Variants in BRF1 observed in about 807,000 individuals in gnomAD.
The protein encoded by BRF1 is transcription factor IIIB 90 kDa subunit.
A neutral mutation model predicts 81.7 loss-of-function variants in BRF1; 59 were observed. The ratio of observed to expected loss-of-function variants is 0.72; its 90% CI spans 0.59 to 0.90. The LOEUF is 0.90. Ranked by LOEUF, BRF1 falls within the 40% of genes least tolerant of loss-of-function variation. The probability of loss-of-function intolerance (pLI) is 0.00; values close to 1 mark genes in which losing one functional copy is unlikely to be tolerated. For synonymous variants in BRF1, 491 were observed against 395.6 expected (o/e 1.24, Z -2.86); for missense variants, 1,050 against 936.3 (o/e 1.12, Z -1.58).
At chr14:105,313,926 C>T (rs2058429962) in intron 1 of BRF1, among the ~76,000 whole-genome samples, 2 of 152,256 alleles carry the variant, frequency 1.3e-5, no homozygotes, top group South Asian at 4.1e-4. Context: ...TGCTTGGGTC[C>T]CCAAGTTCAC....
At position 105,210,869 on chromosome 14, in the gene BRF1, C is replaced by G. The variant is rs1297654545; in HGVS notation, c.1996+253G>C. Among the ~76,000 whole-genome samples the G allele has an allele frequency of 6.6e-6, 1 of 152,116 alleles. No individual in the cohort carries two copies. Among genetic ancestry groups the G allele is most frequent in the Non-Finnish European group, 1.5e-5 (1 of 68,024 alleles). On this transcript the variant is annotated intron_variant, in intron 17 of 17. Coordinates refer to ENST00000547530, the MANE Select transcript of BRF1 (RefSeq NM_001519.4). This position sits in a 1 kb window ranked among gnomAD's most constrained non-coding sequence, Gnocchi z 4.7. ...TGCAGGTCCGTGGTGGTGTGCAGAT[C>G]CGGGAACCTCGTGCTGCTGGCTGGG...
At chr14:105,218,227 C>T (rs1891652332) in intron 14 of BRF1, among the ~76,000 whole-genome samples, 1 of 152,216 alleles carries the variant, frequency 6.6e-6, no homozygotes, top group Admixed American at 6.5e-5. Context: ...ACGTCAAAGG[C>T]CCCAGCTGCC....
At chr14:105,247,570 C>G (rs1218660380) in intron 5 of BRF1, 23 of 985,278 alleles carry the variant, frequency 2.3e-5, no homozygotes, top group Non-Finnish European at 2.7e-5. Flanking sequence ...GGAACATTCA[C>G]TACAACTGTA....
intron 3 of BRF1, among the ~76,000 whole-genome samples, chr14:105,260,588 C>T (rs1339957986): frequency 6.6e-6 from 1 of 152,078 alleles, no homozygotes; most frequent in African/African-American, 2.4e-5. Context: ...GTTGGCCGAG[C>T]TGGTCTCAAA....
At position 105,300,789 on chromosome 14, in the gene BRF1, G is replaced by T; in HGVS notation, c.-160C>A. 1 of 412,850 alleles carries T rather than the reference G, an allele frequency of 2.4e-6. No homozygotes were observed. The highest frequency in any genetic ancestry group is 3.5e-6 in the Non-Finnish European group (1 of 284,858). The allele number at this position is 412,850 out of a possible 1,614,324, so 25.6% of individuals were successfully genotyped here. On this transcript the variant is annotated 5_prime_UTR_variant, in exon 1 of 18. Transcript: ENST00000547530. ...ATTCGCAGCCGCAGATTCGCCGCGC[G>T]CGCCCGGGCCGCGCCGCCCGCAACG...
intron 12 of BRF1, chr14:105,219,646 A>G: frequency 2.5e-6 from 1 of 395,794 alleles, no homozygotes; most frequent in Non-Finnish European, 4.6e-6. Flanking sequence ...CCTGCCTGAC[A>G]GAGGGCAAGT....
At chr14:105,241,537 A>C in intron 5 of BRF1, 123 bp from the exon 6 acceptor site, 1 of 1,280,986 alleles carries the variant, frequency 7.8e-7, no homozygotes, top group Non-Finnish European at 1.1e-6. Context: ...GCCCCCCACC[A>C]GTTCCCCTCC....
chr14:105,306,877 A>G (rs1318156553), intron 1 of BRF1, among the ~76,000 whole-genome samples: 6 of 152,092 alleles, frequency 3.9e-5, no homozygotes, highest in Non-Finnish European at 7.4e-5. Context: ...AAGTGCTGGG[A>G]TTACAGGCGT....
At chr14:105,304,525 A>G (rs2058125165), upstream of BRF1, among the ~76,000 whole-genome samples, 1 of 152,186 alleles carries the variant, frequency 6.6e-6, no homozygotes, top group Non-Finnish European at 1.5e-5. Context: ...AATATAAAAA[A>G]GGGTGAGGCT....
At chr14:105,305,051 C>G (rs1450020833), upstream of BRF1, among the ~76,000 whole-genome samples, 1 of 152,158 alleles carries the variant, frequency 6.6e-6, no homozygotes, top group Non-Finnish European at 1.5e-5. Flanking sequence ...GAGGTGGGGC[C>G]TTTGGGAGAT....
chr14:105,292,372 TC>T (rs1452063595), intron 1 of BRF1, among the ~76,000 whole-genome samples: 1 of 152,058 alleles, frequency 6.6e-6, no homozygotes. Context: ...TGGGGTTTTT[TC>T]TTGTTTTGTT....
rs587724484 is a variant in BRF1 at position 105,218,912 on chromosome 14, C to T, written c.1515+86G>A. 6 of 1,585,950 alleles carry T rather than the reference C, an allele frequency of 3.8e-6. No individual in the cohort carries two copies. In the South Asian group the frequency reaches 6.7e-5, roughly 18 times the overall value. ...CCCTGGGGCCTAGACCCTCCTGTCA[C>T]ATGGGGAAGGGACATTCCAGAGACA... is the stretch of plus-strand genomic sequence containing the variant. On this transcript the variant is annotated intron_variant, in intron 14 of 17. Coordinates refer to ENST00000547530, the MANE Select transcript of BRF1 (RefSeq NM_001519.4).
intron 6 of BRF1, 126 bp from the exon 7 acceptor site, chr14:105,229,039 A>G: frequency 1.2e-6 from 1 of 829,650 alleles, no homozygotes; most frequent in Non-Finnish European, 2.0e-6. Flanking sequence ...TGTCTGTGCC[A>G]GGCAGTGAGA....
chr14:105,241,317 C>G lies in BRF1; in HGVS notation c.642G>C (p.Met214Ile). ...GGCCTGTGTGCATCCAGTCCCGCTT[C>G]ATCCTCTGTAGGAGCCTCAGGGCAG... ...SMTALRLLQR[M>I]KRDWMHTGRR... Residue 214 changes from methionine to isoleucine, a missense_variant, in exon 6 of 18, where the codon ATG becomes ATC. This residue lies in a region of BRF1 where 1,043 missense variants were observed against 915.4 expected (regional missense o/e 1.14). Coordinates refer to ENST00000547530, the MANE Select transcript of BRF1 (RefSeq NM_001519.4). 1 of 1,612,746 alleles carries G rather than the reference C, an allele frequency of 6.2e-7. No homozygotes were observed.
intron 5 of BRF1, chr14:105,249,210 G>T: frequency 6.3e-7 from 1 of 1,588,020 alleles, no homozygotes; most frequent in Non-Finnish European, 8.5e-7. Context: ...TTCGTCGTGG[G>T]GCCCCCGGGG....
chr14:105,224,166 C>T (rs60516709), intron 10 of BRF1, among the ~76,000 whole-genome samples: 3,561 of 152,274 alleles, frequency 0.023, 145 homozygotes, highest in African/African-American at 0.081. Context: ...GTCAGGAGTT[C>T]GAGATCAGCC....
At chr14:105,288,846 G>A (rs1160728186) in intron 1 of BRF1, among the ~76,000 whole-genome samples, 3 of 151,346 alleles carry the variant, frequency 2.0e-5, no homozygotes, top group Non-Finnish European at 4.4e-5. Flanking sequence ...TGTTAGCCAG[G>A]ATGGGGGGAG....
At chr14:105,289,374 G>A (rs1295912121) in intron 1 of BRF1, among the ~76,000 whole-genome samples, 2 of 152,226 alleles carry the variant, frequency 1.3e-5, no homozygotes, top group Non-Finnish European at 2.9e-5. Context: ...AGCTGGAGCA[G>A]GTCGCAGTGG....
intron 3 of BRF1, among the ~76,000 whole-genome samples, chr14:105,264,430 C>T (rs748290202): frequency 6.6e-5 from 10 of 151,534 alleles, no homozygotes; most frequent in Admixed American, 1.3e-4. Flanking sequence ...TTTGGGAGGC[C>T]GAGGTGGGCG....
Sources: gnomAD v4.1 joint callset for allele counts (sites outside exome capture counted in the v4.1 genomes callset) on GRCh38, gnomAD v4.1.1 for gene constraint, gnomAD v4.1.1 regional missense constraint, Gnocchi (gnomAD v3.1) non-coding constraint, MANE v1.5 for transcripts, NCBI Gene and HGNC (gene_info 2026-07-23, HGNC 2026-07-21) for gene names.